GSK3B: variants seen among roughly 807,000 people sequenced by gnomAD.
The protein encoded by GSK3B is glycogen synthase kinase-3 beta.
In GSK3B, 15 loss-of-function variants were observed where a neutral mutation model predicts 56.4. That is an observed-to-expected ratio of 0.27 (90% CI 0.18 to 0.41). The LOEUF (loss-of-function observed/expected upper bound fraction) is 0.41, where lower values mean the gene tolerates loss of function less well. Among genes scored for constraint, GSK3B ranks in the 10% least tolerant of loss-of-function variants. The pLI, the probability that GSK3B is intolerant of heterozygous loss-of-function variation, is 1.00. For synonymous variants in GSK3B, 181 were observed against 188.9 expected (o/e 0.96, Z 0.34); for missense variants, 300 against 513.4 (o/e 0.58, Z 4.02).
chr3:119,934,550 T>C (rs2056976414), intron 3 of GSK3B, among the ~76,000 whole-genome samples: 1 of 152,258 alleles, frequency 6.6e-6, no homozygotes, highest in African/African-American at 2.4e-5. Context: ...CAATGTGGTA[T>C]TCTTTCTTAT....
At chr3:119,853,897 T>C (rs548439845) in intron 9 of GSK3B, among the ~76,000 whole-genome samples, 1 of 152,326 alleles carries the variant, frequency 6.6e-6, no homozygotes, top group Non-Finnish European at 1.5e-5. Context: ...GTTTTCCTAA[T>C]TCTTTTCCTT....
rs73854726 is a variant in GSK3B at position 119,834,071 on chromosome 3, G to A, written c.1196-7216C>T. ...ACAATCTCTTCCAAGCACATTTTAC[G>A]TGTTTCTACTTATCAGGTATCCTCT... On this transcript the variant is annotated intron_variant, in intron 10 of 10. Coordinates refer to ENST00000264235, the MANE Select transcript of GSK3B (RefSeq NM_001146156.2). Among the ~76,000 whole-genome samples the A allele has an allele frequency of 6.4e-3, 970 of 152,070 alleles. 12 individuals carry two copies. The highest frequency in any genetic ancestry group is 0.02 in the African/African-American group (830 of 41,494).
At chr3:119,894,593 C>T (rs2056542206) in intron 7 of GSK3B, among the ~76,000 whole-genome samples, 1 of 150,732 alleles carries the variant, frequency 6.6e-6, no homozygotes, top group Admixed American at 6.6e-5. Context: ...GTCCATTTTT[C>T]AAGTGGGCTT....
intron 2 of GSK3B, among the ~76,000 whole-genome samples, chr3:119,949,446 T>TA (rs1444437836): frequency 6.6e-6 from 1 of 152,114 alleles, no homozygotes; most frequent in Non-Finnish European, 1.5e-5. Context: ...ACTGCAAATG[T>TA]AAAAACCTAG....
intron 1 of GSK3B, among the ~76,000 whole-genome samples, chr3:120,088,624 C>A (rs1408143352): frequency 3.9e-5 from 6 of 152,096 alleles, no homozygotes; most frequent in African/African-American, 1.4e-4. Context: ...CCCCTTCCAC[C>A]ACCACCACCC....
chr3:119,832,888 T>C lies in GSK3B; in HGVS notation c.1196-6033A>G, dbSNP rs1559800556. The stretch of plus-strand genomic sequence containing the variant: ...ATTTTTGTCCTGGAGTAAATTTTCA[T>C]ATGTAAAATTCTATATCTGGTATCA... On this transcript the variant is annotated intron_variant, in intron 10 of 10. Transcript: ENST00000264235. The C allele has an allele frequency of 1.3e-5, 8 of 624,422 alleles. No individual in the cohort carries two copies. In the South Asian group the frequency reaches 2.1e-4, roughly 17 times the overall value. The allele number at this position is 624,422 out of a possible 1,614,324, so 38.7% of individuals were successfully genotyped here.
intron 7 of GSK3B, among the ~76,000 whole-genome samples, chr3:119,905,443 C>CA (rs2056673305): frequency 6.6e-6 from 1 of 152,060 alleles, no homozygotes; most frequent in Non-Finnish European, 1.5e-5. Flanking sequence ...TGCTTTTATT[C>CA]AGCTTACATA....
At chr3:119,991,502 C>G (rs932022819) in intron 2 of GSK3B, among the ~76,000 whole-genome samples, 2 of 125,874 alleles carry the variant, frequency 1.6e-5, no homozygotes, top group Non-Finnish European at 3.2e-5. Context: ...CTCATCTTTA[C>G]TATTCACCAA....
intron 1 of GSK3B, among the ~76,000 whole-genome samples, chr3:120,039,421 T>C (rs556807589): frequency 6.6e-6 from 1 of 152,364 alleles, no homozygotes; most frequent in East Asian, 1.9e-4. Flanking sequence ...AAGGTTCAGG[T>C]TGTTAACTTC....
chr3:119,923,739 G>A (rs993990562), intron 3 of GSK3B, among the ~76,000 whole-genome samples: 3 of 152,166 alleles, frequency 2.0e-5, no homozygotes, highest in East Asian at 1.9e-4. Flanking sequence ...ACATTTAAAC[G>A]ATTATTTTGG....
At chr3:119,954,222 G>GAATAGAAT (rs1553739183) in intron 2 of GSK3B, among the ~76,000 whole-genome samples, 4 of 101,370 alleles carry the variant, frequency 3.9e-5, no homozygotes, top group Non-Finnish European at 8.0e-5. Context: ...AGTGTGGAAG[G>GAATAGAAT]AGAATAGAAT....
At chr3:119,848,714 T>C (rs1454528358) in intron 9 of GSK3B, among the ~76,000 whole-genome samples, 1 of 152,186 alleles carries the variant, frequency 6.6e-6, no homozygotes, top group Non-Finnish European at 1.5e-5. Context: ...CCTAAACATC[T>C]AAATTTTGTA....
chr3:120,069,381 T>TA (rs2058308280), intron 1 of GSK3B, among the ~76,000 whole-genome samples: 1 of 152,192 alleles, frequency 6.6e-6, no homozygotes, highest in Non-Finnish European at 1.5e-5. Context: ...AACTAAAACA[T>TA]ACAGTATTCT....
intron 7 of GSK3B, among the ~76,000 whole-genome samples, chr3:119,903,241 A>G (rs2107443790): frequency 6.6e-6 from 1 of 152,314 alleles, no homozygotes; most frequent in Non-Finnish European, 1.5e-5. Flanking sequence ...TCAAGAACAT[A>G]GAAGGCACCT....
intron 7 of GSK3B, among the ~76,000 whole-genome samples, chr3:119,878,040 A>G (rs932109047): frequency 6.6e-6 from 1 of 152,166 alleles, no homozygotes; most frequent in Non-Finnish European, 1.5e-5. Flanking sequence ...AATCAGGCAT[A>G]ATTCTGTAAC....
At chr3:120,041,440 A>G (rs1036018744) in intron 1 of GSK3B, 7 of 267,728 alleles carry the variant, frequency 2.6e-5, no homozygotes, top group Admixed American at 1.8e-4. Context: ...CATATCATGC[A>G]TACCTTCAAA....
At chr3:119,982,227 C>T (rs981741897) in intron 2 of GSK3B, among the ~76,000 whole-genome samples, 4 of 152,114 alleles carry the variant, frequency 2.6e-5, no homozygotes, top group East Asian at 1.9e-4. Flanking sequence ...CATCAAAGAA[C>T]GAAGGTAGAT....
intron 7 of GSK3B, among the ~76,000 whole-genome samples, chr3:119,900,377 G>C (rs1236784488): frequency 6.6e-6 from 1 of 151,976 alleles, no homozygotes; most frequent in African/African-American, 2.4e-5. Context: ...AACTATCTCT[G>C]TAGGAATTTT....
chr3:120,014,208 C>T (rs1204313331), intron 1 of GSK3B, among the ~76,000 whole-genome samples: 3 of 150,540 alleles, frequency 2.0e-5, no homozygotes, highest in Admixed American at 6.6e-5. Context: ...CAGTGGCTCA[C>T]ATCTGCAATC....
Sources: gnomAD v4.1 joint callset for allele counts (sites outside exome capture counted in the v4.1 genomes callset) on GRCh38, gnomAD v4.1.1 for gene constraint, MANE v1.5 for transcripts, NCBI Gene and HGNC (gene_info 2026-07-23, HGNC 2026-07-21) for gene names.